NOS3: variants seen among roughly 807,000 people sequenced by gnomAD.
NOS3 encodes the protein nitric oxide synthase 3.
A neutral mutation model predicts 144.9 loss-of-function variants in NOS3; 98 were observed. That is an observed-to-expected ratio of 0.68 (90% CI 0.57 to 0.80). NOS3 has a LOEUF of 0.80. Ranked by LOEUF, NOS3 falls within the 30% of genes least tolerant of loss-of-function variation. The pLI, the probability that NOS3 is intolerant of heterozygous loss-of-function variation, is 0.00. For missense variants in NOS3, 1,465 were observed against 1,656.4 expected, an observed-to-expected ratio of 0.88 and a Z score of 2.01; for synonymous variants, 714 against 702.4, an observed-to-expected ratio of 1.02 and a Z score of -0.26.
In NOS3 at chr7:151,008,923, C is replaced by G; in HGVS notation, c.2113-7C>G. ...AGGTCCTCAGCCCTCACCGGCCTGTCCCGCAGGCCGCCTGTGAGACCTTCT... is the reference window on the plus strand; with the variant it reads ...AGGTCCTCAGCCCTCACCGGCCTGTGCCGCAGGCCGCCTGTGAGACCTTCT... On this transcript the variant is annotated splice_polypyrimidine_tract_variant and splice_region_variant and intron_variant, in intron 17 of 26. Transcript: ENST00000297494. The G allele has an allele frequency of 6.2e-7, 1 of 1,605,830 alleles. No individual in the cohort carries two copies. Among genetic ancestry groups the G allele is most frequent in the East Asian group, 2.2e-5 (1 of 44,610 alleles).
chr7:150,997,861 A>G (rs1339163718), intron 5 of NOS3, among the ~76,000 whole-genome samples: 2 of 152,084 alleles, frequency 1.3e-5, no homozygotes, highest in Non-Finnish European at 2.9e-5. Flanking sequence ...CTCAGGCAGG[A>G]GTGGGACCTC....
chr7:151,001,140 C>G (rs571249911), intron 10 of NOS3, 91 bp from the exon 11 acceptor site: 14 of 1,302,686 alleles, frequency 1.1e-5, no homozygotes, highest in Non-Finnish European at 1.5e-5. Context: ...ATCGAGGGCA[C>G]ATGTGGTTTG....
rs1340950063 is a variant in NOS3, at chr7:151,009,479, C to T, written c.2406C>T (p.Cys802=). The T allele has an allele frequency of 2.6e-6, 4 of 1,548,386 alleles. No homozygotes were observed. The highest frequency in any genetic ancestry group is 3.5e-6 in the Non-Finnish European group (4 of 1,146,712). ...QYQPGDHIGV[C]PPNRPGLVEA... ...AGCCGGGGGACCACATAGGTGTCTG[C>T]CCGCCCAACCGGCCCGGCCTTGTGG... Residue 802 remains cysteine (C), a synonymous_variant, in exon 20 of 27, where the codon TGC becomes TGT. Coordinates refer to ENST00000297494, the MANE Select transcript of NOS3 (RefSeq NM_000603.5).
At position 151,014,556 on chromosome 7, in the gene NOS3, TAGG is replaced by T. The variant is rs371373231; in HGVS notation, c.*390_*392del. On this transcript the variant is annotated 3_prime_UTR_variant, in exon 27 of 27. Transcript: ENST00000297494. ...TACCATAAGGGACTGTGCCAGATGT[TAGG>T]AGAACTACTAAAGTGCCTACCCCAG... 49 of 198,802 alleles carry T rather than the reference TAGG, an allele frequency of 2.5e-4. No individual in the cohort carries two copies. Among genetic ancestry groups the T allele is most frequent in the South Asian group, 8.8e-4 (5 of 5,666 alleles). The allele number at this position is 198,802 out of a possible 1,614,324, so 12.3% of individuals were successfully genotyped here. A position where few individuals can be genotyped will look rare whatever the true frequency, so the allele number is the denominator to read the frequency against.
Position 151,003,539 on chromosome 7 carries a change from T to G in NOS3, c.1752+1235T>G, listed in dbSNP as rs2117122794. The stretch of plus-strand genomic sequence containing the variant: ...AGAAAAATAGCACCAGCAATTGACT[T>G]TTTTTTAGCATAAAGGTGTATAGAC... On this transcript the variant is annotated intron_variant, in intron 14 of 26. Transcript: ENST00000297494. This position sits in a 1 kb window ranked among gnomAD's most constrained non-coding sequence, Gnocchi z 4.1. 7.9e-7 allele frequency: 1 copy of G among 1,272,880 alleles called. No homozygotes were observed. The highest frequency in any genetic ancestry group is 5.7e-5 in the East Asian group (1 of 17,498). 78.8% of individuals were successfully genotyped at this position (1,272,880 alleles called of 1,614,324 possible).
intron 1 of NOS3, among the ~76,000 whole-genome samples, chr7:150,992,197 C>G (rs980573509): frequency 6.6e-6 from 1 of 151,736 alleles, no homozygotes; most frequent in Non-Finnish European, 1.5e-5. Context: ...CTGCCTGTCA[C>G]CTTGACCCTG....
chr7:151,010,565 G>T, intron 21 of NOS3, 32 bp from the exon 22 acceptor site: 1 of 1,524,162 alleles, frequency 6.6e-7, no homozygotes, highest in Non-Finnish European at 8.8e-7. Flanking sequence ...AGGGCTATGG[G>T]GCCTCCAACC....
chr7:151,001,364 T>C lies in NOS3; in HGVS notation c.1367T>C (p.Leu456Pro). 2.5e-6 allele frequency: 4 copies of C among 1,612,326 alleles called. No homozygotes were observed. The highest frequency in any genetic ancestry group is 3.4e-6 in the Non-Finnish European group (4 of 1,179,074). ...AWIVPPISGS[L>P]TPVFHQEMVN... ...ATCGTGCCCCCCATCTCGGGCAGCC[T>C]CACTCCTGTTTTCCATCAGGAGATG... The change falls in exon 11 of 27, where the codon CTC becomes CCC. Residue 456 changes from leucine to proline, a missense_variant. Coordinates refer to ENST00000297494, the MANE Select transcript of NOS3 (RefSeq NM_000603.5).
chr7:150,995,365 G>C, intron 3 of NOS3, 51 bp downstream of exon 3: 4 of 1,312,628 alleles, frequency 3.0e-6, no homozygotes, highest in Non-Finnish European at 3.3e-6. Flanking sequence ...GGGTGGGTAA[G>C]GCCTGGCCTC....
At chr7:151,011,812 C>T (rs1563232958) in intron 23 of NOS3, 2 of 442,350 alleles carry the variant, frequency 4.5e-6, no homozygotes, top group Admixed American at 2.5e-5. Context: ...GTGTGAGCCA[C>T]CGCGCCCGGA....
rs1387424085 is a variant in NOS3, at chr7:151,002,962, C to G, written c.1752+658C>G. The G allele has an allele frequency of 8.3e-6, 2 of 241,750 alleles. No individual in the cohort carries two copies. Among genetic ancestry groups the G allele is most frequent in the African/African-American group, 2.4e-5 (1 of 42,524 alleles). 15.0% of individuals were successfully genotyped at this position (241,750 alleles called of 1,614,324 possible). A position where few individuals can be genotyped will look rare whatever the true frequency, so the allele number is the denominator to read the frequency against. On this transcript the variant is annotated intron_variant, in intron 14 of 26. Transcript: ENST00000297494. This position sits in a 1 kb window ranked among gnomAD's most constrained non-coding sequence, Gnocchi z 4.1. The stretch of plus-strand genomic sequence containing the variant: ...TGCCAACATAGATTAAATAACTTCA[C>G]TTTTTAAAAAGAAACACAAAGCTAG...
Position 151,010,233 on chromosome 7 carries a change from C to T in NOS3, c.2631C>T (p.Leu877=). Residue 877 remains leucine, a synonymous_variant, in exon 21 of 27, where the codon CTC becomes CTT. Transcript: ENST00000297494. The part of the protein sequence containing the change: ...SPPSPQLLRL[L]STLAEEPREQ... ...CCAGCCCTCAGCTCTTGCGGCTGCT[C>T]AGCACCTTGGCAGAAGAGCCCAGGG... The T allele has an allele frequency of 6.2e-7, 1 of 1,612,994 alleles. No homozygotes were observed. The highest frequency in any genetic ancestry group is 8.5e-7 in the Non-Finnish European group (1 of 1,179,970).
At chr7:151,004,768 G>C (rs182553063) in intron 14 of NOS3, among the ~76,000 whole-genome samples, 1 of 152,198 alleles carries the variant, frequency 6.6e-6, no homozygotes, top group Non-Finnish European at 1.5e-5. Context: ...ATTAGGAGAG[G>C]AGTTAGTCAC....
In NOS3 at chr7:151,008,237, C is replaced by T. The variant is rs112201945; in HGVS notation, c.2113-693C>T. Among the ~76,000 whole-genome samples the T allele has an allele frequency of 5.4e-3, 823 of 151,878 alleles. 7 individuals carry two copies. The highest frequency in any genetic ancestry group is 0.019 in the African/African-American group (775 of 41,382). On this transcript the variant is annotated intron_variant, in intron 17 of 26. Coordinates refer to ENST00000297494, the MANE Select transcript of NOS3 (RefSeq NM_000603.5). ...GATAGGAAGGAAGGGAGGGAGGGGC[C>T]GAGGAAGGAAGGAAGAGATATAAGA...
At position 151,010,181 on chromosome 7, in the gene NOS3, CCTT is replaced by C. The variant is rs763760026; in HGVS notation, c.2584_2586del (p.Phe862del). 3 of 1,611,688 alleles carry C rather than the reference CCTT, an allele frequency of 1.9e-6. No homozygotes were observed. Among genetic ancestry groups the C allele is most frequent in the Non-Finnish European group, 2.5e-6 (3 of 1,179,592 alleles). On this transcript the variant is annotated inframe_deletion, in exon 21 of 27. Transcript: ENST00000297494. ...CCGTGCACGCTGCGCCAGGCTCTCA[CCTT>C]CTTCCTGGACATCACCTCCCCACCC...
rs376007167 is a variant in NOS3, at chr7:150,999,281, G to A, written c.1048G>A (p.Ala350Thr). 400 of 1,611,950 alleles carry A rather than the reference G, an allele frequency of 2.5e-4. No homozygotes were observed. Among genetic ancestry groups the A allele is most frequent in the Non-Finnish European group, 3.3e-4 (391 of 1,179,682 alleles). ...LLEIGGLEFP[A>T]APFSGWYMST... ...GGAAATTGGGGGCCTGGAGTTCCCC[G>A]CAGCCCCCTTCAGTGGCTGGTACAT... The change falls in exon 9 of 27, where the codon GCA becomes ACA. Residue 350 changes from alanine (A) to threonine (T), a missense_variant. Around this residue, in one of 5 missense-constraint regions of NOS3, gnomAD observed 745 missense variants for 853.9 expected, o/e 0.87. Coordinates refer to ENST00000297494, the MANE Select transcript of NOS3 (RefSeq NM_000603.5).
chr7:151,001,638 G>A (rs746984680), intron 12 of NOS3, 21 bp downstream of exon 12: 20 of 1,608,286 alleles, frequency 1.2e-5, no homozygotes, highest in African/African-American at 2.7e-5. Flanking sequence ...TGGGAGCCCC[G>A]CTCTCCCACA....
At position 151,002,488 on chromosome 7, in the gene NOS3, G is replaced by A. The variant is rs1192895281; in HGVS notation, c.1752+184G>A. ...GAAAGGGAGATGCTAAGAGACCCCTGGAGCCTGAAACCCCACACAAGCTAC... is the reference window on the plus strand; with the variant it reads ...GAAAGGGAGATGCTAAGAGACCCCTAGAGCCTGAAACCCCACACAAGCTAC... On this transcript the variant is annotated intron_variant, in intron 14 of 26. Transcript: ENST00000297494. This position sits in a 1 kb window ranked among gnomAD's most constrained non-coding sequence, Gnocchi z 4.1. 1.4e-5 allele frequency among the ~76,000 whole-genome samples: 2 copies of A among 145,408 alleles called. No homozygotes were observed. The highest frequency in any genetic ancestry group is 2.6e-5 in the African/African-American group (1 of 39,108).
chr7:151,007,314 C>T, intron 17 of NOS3, 38 bp downstream of exon 17: 1 of 1,549,672 alleles, frequency 6.5e-7, no homozygotes, highest in South Asian at 1.2e-5. Context: ...CTCCTGCCCC[C>T]TGGGATGCCT....
Sources: gnomAD v4.1 joint callset for allele counts (sites outside exome capture counted in the v4.1 genomes callset) on GRCh38, gnomAD v4.1.1 for gene constraint, gnomAD v4.1.1 regional missense constraint, Gnocchi (gnomAD v3.1) non-coding constraint, MANE v1.5 for transcripts, NCBI Gene and HGNC (gene_info 2026-07-23, HGNC 2026-07-21) for gene names.